The following IQCH variants were observed in gnomAD, a reference collection of about 807,000 sequenced individuals.
IQCH encodes the protein IQ domain-containing protein H.
Under a neutral mutation model 117.0 loss-of-function variants are expected in IQCH, and 98 were observed. That is an observed-to-expected ratio of 0.84 (90% confidence interval 0.71 to 0.99). The LOEUF (loss-of-function observed/expected upper bound fraction) is 0.99. Ranked by LOEUF, IQCH falls within the 50% of genes least tolerant of loss-of-function variation. The pLI is 0.00. For missense variants in IQCH, 1,102 were observed against 1,243.8 expected, an observed-to-expected ratio of 0.89 and a Z score of 1.72; for synonymous variants, 412 against 448.2, an observed-to-expected ratio of 0.92 and a Z score of 1.02.
At chr15:67,260,698 G>GTGTT (rs2140429280) in intron 1 of IQCH, among the ~76,000 whole-genome samples, 1 of 152,290 alleles carries the variant, frequency 6.6e-6, no homozygotes, top group African/African-American at 2.4e-5. Context: ...TTGAGTTGCA[G>GTGTT]TGTTATCTTA....
intron 4 of IQCH, among the ~76,000 whole-genome samples, chr15:67,330,718 A>T (rs1479865567): frequency 1.3e-5 from 2 of 152,222 alleles, no homozygotes; most frequent in African/African-American, 2.4e-5. Flanking sequence ...TGCATTTTTC[A>T]TTCTGCCTCT....
chr15:67,326,015 G>A lies in IQCH; in HGVS notation c.388-10960G>A, dbSNP rs572076087. ...AAGTTCTAGGGTACATGTGCACAAC[G>A]TGCAGGTTTGTTGCATGTGTGTGCG... On this transcript the variant is annotated intron_variant, in intron 4 of 20. Coordinates refer to ENST00000335894, the MANE Select transcript of IQCH (RefSeq NM_001031715.3). 5.9e-5 allele frequency among the ~76,000 whole-genome samples: 9 copies of A among 152,126 alleles called. No homozygotes were observed. The East Asian group carries it at 9.7e-4, about 16-fold the overall frequency.
chr15:67,434,962 T>G (rs919823049), intron 16 of IQCH, among the ~76,000 whole-genome samples: 10 of 147,020 alleles, frequency 6.8e-5, no homozygotes, highest in Non-Finnish European at 1.0e-4. Context: ...TTTAATTTTT[T>G]TGTATTTTTG....
At chr15:67,341,427 T>C (rs1232715701) in intron 5 of IQCH, among the ~76,000 whole-genome samples, 1 of 152,250 alleles carries the variant, frequency 6.6e-6, no homozygotes, top group Admixed American at 6.5e-5. Flanking sequence ...TCATGGCAGC[T>C]GCCAACAGGG....
At chr15:67,415,519 C>T (rs966180551) in intron 14 of IQCH, among the ~76,000 whole-genome samples, 8 of 152,070 alleles carry the variant, frequency 5.3e-5, no homozygotes, top group Non-Finnish European at 1.2e-4. Flanking sequence ...TTTTTGAACC[C>T]GCTGAGGGCA....
In IQCH at chr15:67,418,609, A is replaced by T. The variant is rs1281979028; in HGVS notation, c.2218+1558A>T. Among the ~76,000 whole-genome samples the T allele has an allele frequency of 1.4e-4, 16 of 117,244 alleles. No homozygotes were observed. In the East Asian group the frequency reaches 3.7e-3, roughly 27 times the overall value. The allele number at this position is 117,244 out of a possible 152,430, so 76.9% of individuals were successfully genotyped here. A position where few individuals can be genotyped will look rare whatever the true frequency, so the allele number is the denominator to read the frequency against. Reference sequence around the variant, plus strand: ...TTTTTTTTTTTTGAGATGGAGTTTCACTCTTGTTGCCCAGGCTGGAGTGCA... The same window carrying T: ...TTTTTTTTTTTTGAGATGGAGTTTCTCTCTTGTTGCCCAGGCTGGAGTGCA... On this transcript the variant is annotated intron_variant, in intron 15 of 20. Transcript: ENST00000335894.
chr15:67,428,899 A>G (rs1317907915), intron 16 of IQCH, among the ~76,000 whole-genome samples: 2 of 151,724 alleles, frequency 1.3e-5, no homozygotes, highest in Admixed American at 1.3e-4. Context: ...TAGAAAGAGA[A>G]GGATTTGAAG....
rs1318665127 is a variant in IQCH, at chr15:67,368,827, A to G, written c.754-3284A>G. ...CATACATGAAAAGAACATTTTTCAT[A>G]AAGACATTTGTCTTAGAAATGTGAT... On this transcript the variant is annotated intron_variant, in intron 8 of 20. Coordinates refer to ENST00000335894, the MANE Select transcript of IQCH (RefSeq NM_001031715.3). Among the ~76,000 whole-genome samples the G allele has an allele frequency of 2.0e-5, 3 of 152,320 alleles. No homozygotes were observed. In the East Asian group the frequency reaches 5.8e-4, roughly 29 times the overall value.
intron 4 of IQCH, among the ~76,000 whole-genome samples, chr15:67,281,305 G>A (rs1383737515): frequency 7.0e-6 from 1 of 141,868 alleles, no homozygotes; most frequent in East Asian, 2.6e-4. Context: ...GAGGCAGATT[G>A]ATTAATTAGG....
At chr15:67,363,916 A>G (rs1159623834) in intron 8 of IQCH, among the ~76,000 whole-genome samples, 1 of 152,208 alleles carries the variant, frequency 6.6e-6, no homozygotes, top group Non-Finnish European at 1.5e-5. Flanking sequence ...ATAGTATTCC[A>G]TGGTATATAT....
At chr15:67,489,514 C>A (rs1438076732) in intron 18 of IQCH, among the ~76,000 whole-genome samples, 1 of 7,624 alleles carries the variant, frequency 1.3e-4, no homozygotes, top group East Asian at 2.5e-3. Flanking sequence ...CCAGGCTGGC[C>A]TCCTGGGCTC....
In IQCH at chr15:67,500,769, A is replaced by G. The variant is rs1438024642; in HGVS notation, c.*23A>G. 1 of 1,257,982 alleles carries G rather than the reference A, an allele frequency of 7.9e-7. No homozygotes were observed. Among genetic ancestry groups the G allele is most frequent in the African/African-American group, 1.5e-5 (1 of 65,736 alleles). 77.9% of individuals were successfully genotyped at this position (1,257,982 alleles called of 1,614,324 possible). A position where few individuals can be genotyped will look rare whatever the true frequency, so the allele number is the denominator to read the frequency against. ...TGATCCTGGAATACAGTACATAACA[A>G]TTTGGATCCCAGTCTGGAATAAAAA... is the stretch of plus-strand genomic sequence containing the variant. On this transcript the variant is annotated 3_prime_UTR_variant, in exon 21 of 21. Transcript: ENST00000335894. The surrounding 1 kb of genome is among the most constrained non-coding windows in gnomAD (Gnocchi z 4.4).
chr15:67,330,573 G>A (rs1176908110), intron 4 of IQCH, among the ~76,000 whole-genome samples: 3 of 152,128 alleles, frequency 2.0e-5, no homozygotes, highest in Non-Finnish European at 4.4e-5. Flanking sequence ...TGAGAAAGCT[G>A]GCAGAGTGGT....
At chr15:67,379,047 A>G (rs555276292) in intron 10 of IQCH, among the ~76,000 whole-genome samples, 4 of 152,338 alleles carry the variant, frequency 2.6e-5, no homozygotes, top group East Asian at 1.9e-4. Context: ...TCTAAATAAC[A>G]TATTTTTGAA....
At chr15:67,361,158 G>A (rs375109325) in intron 8 of IQCH, among the ~76,000 whole-genome samples, 21 of 152,184 alleles carry the variant, frequency 1.4e-4, no homozygotes, top group Admixed American at 3.3e-4. Flanking sequence ...GTGAAGCTCC[G>A]GAGTTTGTGC....
At chr15:67,326,988 ATTTAC>A (rs912211076) in intron 4 of IQCH, among the ~76,000 whole-genome samples, 1 of 152,194 alleles carries the variant, frequency 6.6e-6, no homozygotes, top group Non-Finnish European at 1.5e-5. Flanking sequence ...ATATGAATAT[ATTTAC>A]TTAAAGCATT....
intron 4 of IQCH, among the ~76,000 whole-genome samples, chr15:67,336,166 T>TA (rs1435363129): frequency 3.9e-5 from 6 of 152,162 alleles, no homozygotes; most frequent in African/African-American, 1.4e-4. Context: ...AGCAAACTGT[T>TA]ACCTAGTTCC....
At chr15:67,446,027 C>G (rs757754022) in intron 16 of IQCH, among the ~76,000 whole-genome samples, 4 of 152,120 alleles carry the variant, frequency 2.6e-5, no homozygotes, top group Non-Finnish European at 5.9e-5. Flanking sequence ...GTTCCGAAGT[C>G]AAATAGAAGT....
chr15:67,459,477 AAG>A lies in IQCH; in HGVS notation c.2506-5647_2506-5646del, dbSNP rs1384368426. On this transcript the variant is annotated intron_variant, in intron 16 of 20. Coordinates refer to ENST00000335894, the MANE Select transcript of IQCH (RefSeq NM_001031715.3). The surrounding 1 kb of genome is among the most constrained non-coding windows in gnomAD (Gnocchi z 4.2). ...CCCATTCATCCCGCCTGTCACCAGA[AAG>A]AGGCAGAAGCAGCAGGGGTGAGCAG... is the stretch of plus-strand genomic sequence containing the variant. Among the ~76,000 whole-genome samples, 2 of 152,172 alleles carry A rather than the reference AAG, an allele frequency of 1.3e-5. No individual in the cohort carries two copies. Among genetic ancestry groups the A allele is most frequent in the African/African-American group, 4.8e-5 (2 of 41,448 alleles).
Sources: allele counts gnomAD v4.1 joint callset (sites outside exome capture counted in the v4.1 genomes callset), GRCh38; gene constraint gnomAD v4.1.1; non-coding constraint Gnocchi (gnomAD v3.1); transcripts MANE v1.5; gene names NCBI Gene and HGNC (gene_info 2026-07-23, HGNC 2026-07-21).